The following GRIA4 variants were observed in gnomAD, a reference collection of about 807,000 sequenced individuals.
GRIA4 encodes glutamate receptor 4.
Under a neutral mutation model 104.0 loss-of-function variants are expected in GRIA4, and 34 were observed. The observed-to-expected ratio is 0.33, with a 90% CI of 0.25 to 0.44. The LOEUF (loss-of-function observed/expected upper bound fraction) is 0.44, where lower values mean the gene tolerates loss of function less well. Ranked by LOEUF, GRIA4 falls within the 20% of genes least tolerant of loss-of-function variation. The pLI is 1.00. For synonymous variants in GRIA4, 386 were observed against 381.9 expected (o/e 1.01, Z -0.13); for missense variants, 750 against 1,096.5 (o/e 0.68, Z 4.46).
chr11:105,871,901 A>C (rs1389236363), intron 5 of GRIA4, among the ~76,000 whole-genome samples: 1 of 152,102 alleles, frequency 6.6e-6, no homozygotes, highest in Non-Finnish European at 1.5e-5. Context: ...TTGTGGGTAT[A>C]GATTATCAAC....
chr11:105,964,396 C>T (rs959868397), intron 14 of GRIA4, among the ~76,000 whole-genome samples: 1 of 152,144 alleles, frequency 6.6e-6, no homozygotes, highest in African/African-American at 2.4e-5. Flanking sequence ...TGGAAAAGCA[C>T]GTTGTTGACC....
At chr11:105,722,859 T>G (rs1357756423) in intron 3 of GRIA4, among the ~76,000 whole-genome samples, 1 of 152,160 alleles carries the variant, frequency 6.6e-6, no homozygotes, top group Non-Finnish European at 1.5e-5. Context: ...TTACATAGTC[T>G]AGGCATTTTT....
intron 3 of GRIA4, among the ~76,000 whole-genome samples, chr11:105,718,394 T>TA (rs1364669602): frequency 6.6e-6 from 1 of 152,176 alleles, no homozygotes; most frequent in Non-Finnish European, 1.5e-5. Context: ...AAGGTACCAA[T>TA]ATTATCGTAC....
intron 4 of GRIA4, among the ~76,000 whole-genome samples, chr11:105,776,296 T>A (rs1941447848): frequency 6.6e-6 from 1 of 152,158 alleles, no homozygotes; most frequent in Non-Finnish European, 1.5e-5. Flanking sequence ...AAAAAATACT[T>A]AAATATGCAA....
At chr11:105,823,713 T>C (rs1209498889) in intron 4 of GRIA4, among the ~76,000 whole-genome samples, 1 of 152,118 alleles carries the variant, frequency 6.6e-6, no homozygotes, top group Non-Finnish European at 1.5e-5. Flanking sequence ...CAGATAATTA[T>C]TGCCTTCTAC....
chr11:105,729,786 A>G (rs537168559), intron 3 of GRIA4, among the ~76,000 whole-genome samples: 1 of 152,346 alleles, frequency 6.6e-6, no homozygotes, highest in Admixed American at 6.5e-5. Flanking sequence ...GATGCAGAAA[A>G]GGCCTTCAAT....
intron 3 of GRIA4, among the ~76,000 whole-genome samples, chr11:105,646,541 T>C (rs1299937107): frequency 6.6e-6 from 1 of 152,176 alleles, no homozygotes; most frequent in Admixed American, 6.6e-5. Flanking sequence ...ACTGTAGCCC[T>C]ATACTACAGG....
At chr11:105,625,485 C>T (rs947482864) in intron 3 of GRIA4, among the ~76,000 whole-genome samples, 4 of 152,112 alleles carry the variant, frequency 2.6e-5, no homozygotes, top group African/African-American at 7.2e-5. Flanking sequence ...AGTAACATTT[C>T]TTTACATAAC....
At chr11:105,671,677 C>A (rs866346992) in intron 3 of GRIA4, among the ~76,000 whole-genome samples, 100 of 64,580 alleles carry the variant, frequency 1.5e-3, no homozygotes, top group South Asian at 5.5e-3. Flanking sequence ...GACTCTGTCT[C>A]AAAAAAAAAA....
intron 3 of GRIA4, among the ~76,000 whole-genome samples, chr11:105,648,655 A>G (rs1297205834): frequency 1.3e-5 from 2 of 152,160 alleles, no homozygotes; most frequent in Admixed American, 6.5e-5. Flanking sequence ...AATCTGGAGA[A>G]AGAGAAATCG....
At chr11:105,699,195 CA>C (rs1214040091) in intron 3 of GRIA4, among the ~76,000 whole-genome samples, 1 of 152,154 alleles carries the variant, frequency 6.6e-6, no homozygotes, top group African/African-American at 2.4e-5. Flanking sequence ...TATTGAGGAT[CA>C]ACCATGTCCC....
At chr11:105,926,566 T>C (rs1301053058) in intron 12 of GRIA4, among the ~76,000 whole-genome samples, 175 bp from the exon 13 acceptor site, 5 of 152,162 alleles carry the variant, frequency 3.3e-5, no homozygotes, top group African/African-American at 1.2e-4. Context: ...AAATACACCA[T>C]AGAAGACATC....
intron 14 of GRIA4, among the ~76,000 whole-genome samples, chr11:105,941,026 G>T (rs889865719): frequency 1.3e-5 from 2 of 152,180 alleles, no homozygotes; most frequent in African/African-American, 2.4e-5. Flanking sequence ...TGAGATAACT[G>T]ACACAAATAT....
intron 14 of GRIA4, among the ~76,000 whole-genome samples, chr11:105,964,531 T>C (rs1312497288): frequency 6.6e-6 from 1 of 152,242 alleles, no homozygotes; most frequent in Non-Finnish European, 1.5e-5. Context: ...ATTCAACTGC[T>C]ATTTGATAAT....
chr11:105,631,295 T>C (rs1366925726), intron 3 of GRIA4, among the ~76,000 whole-genome samples: 1 of 152,104 alleles, frequency 6.6e-6, no homozygotes, highest in Non-Finnish European at 1.5e-5. Context: ...AAAGATGTTC[T>C]CTCTTTTCAT....
At chr11:105,663,746 T>C (rs1952081373) in intron 3 of GRIA4, among the ~76,000 whole-genome samples, 1 of 151,912 alleles carries the variant, frequency 6.6e-6, no homozygotes, top group African/African-American at 2.4e-5. Flanking sequence ...CAAAACTTTA[T>C]ATGGCTGGAA....
intron 13 of GRIA4, among the ~76,000 whole-genome samples, chr11:105,929,915 C>T (rs773480519): frequency 2.0e-5 from 3 of 152,078 alleles, no homozygotes; most frequent in Non-Finnish European, 4.4e-5. Flanking sequence ...GATAGTTCCC[C>T]ATGCTTTGAG....
intron 6 of GRIA4, among the ~76,000 whole-genome samples, chr11:105,896,892 G>A (rs922686516): frequency 3.3e-5 from 5 of 152,042 alleles, no homozygotes; most frequent in African/African-American, 1.2e-4. Flanking sequence ...GGCTATTCAA[G>A]CTTTTTATTA....
At chr11:105,930,690 T>C (rs1947847235) in intron 13 of GRIA4, among the ~76,000 whole-genome samples, 1 of 152,176 alleles carries the variant, frequency 6.6e-6, no homozygotes, top group Admixed American at 6.6e-5. Context: ...TTTTCCATTT[T>C]GCTGTGTTAG....
Sources: gnomAD v4.1 joint callset for allele counts (sites outside exome capture counted in the v4.1 genomes callset) on GRCh38, gnomAD v4.1.1 for gene constraint, MANE v1.5 for transcripts, NCBI Gene and HGNC (gene_info 2026-07-23, HGNC 2026-07-21) for gene names.